The following PCSK2 variants were observed in gnomAD, a reference collection of about 807,000 sequenced individuals.
The protein encoded by PCSK2 is neuroendocrine convertase 2.
In PCSK2, 14 loss-of-function variants were observed where a neutral mutation model predicts 69.7. The observed-to-expected ratio is 0.20, with a 90% CI of 0.13 to 0.31. The LOEUF (loss-of-function observed/expected upper bound fraction) is 0.31, where lower values mean the gene tolerates loss of function less well. Among genes scored for constraint, PCSK2 ranks in the 10% least tolerant of loss-of-function variants. The probability of loss-of-function intolerance (pLI) is 1.00; values close to 1 mark genes in which losing one functional copy is unlikely to be tolerated. For synonymous variants in PCSK2, 307 were observed against 320.7 expected (o/e 0.96, Z 0.46); for missense variants, 544 against 842.5 (o/e 0.65, Z 4.39).
intron 5 of PCSK2, among the ~76,000 whole-genome samples, chr20:17,371,720 A>G (rs1371607001): frequency 1.3e-5 from 2 of 152,052 alleles, no homozygotes; most frequent in African/African-American, 4.8e-5. Context: ...TTGATGTGCC[A>G]TAAACATTTT....
chr20:17,344,842 A>T (rs538897870), intron 2 of PCSK2, among the ~76,000 whole-genome samples: 11 of 152,278 alleles, frequency 7.2e-5, no homozygotes, highest in African/African-American at 2.6e-4. Flanking sequence ...ATGGTGCCCA[A>T]CCTAAGCCCT....
At chr20:17,236,250 T>C (rs1986333876) in intron 1 of PCSK2, among the ~76,000 whole-genome samples, 1 of 152,120 alleles carries the variant, frequency 6.6e-6, no homozygotes, top group African/African-American at 2.4e-5. Flanking sequence ...AAGAAAACTA[T>C]GGAAATTGTT....
At chr20:17,304,504 G>A (rs1246107760) in intron 2 of PCSK2, among the ~76,000 whole-genome samples, 1 of 152,174 alleles carries the variant, frequency 6.6e-6, no homozygotes. Flanking sequence ...ACGGAGCACA[G>A]GAAGCTATTG....
rs201611343 is a variant in PCSK2, at chr20:17,303,820, A to AC, written c.282+43482dup. Among the ~76,000 whole-genome samples the AC allele has an allele frequency of 1.4e-3, 199 of 146,414 alleles. 5 individuals carry two copies. In the East Asian group the frequency reaches 0.036, roughly 26 times the overall value. On this transcript the variant is annotated intron_variant, in intron 2 of 11. Coordinates refer to ENST00000262545, the MANE Select transcript of PCSK2 (RefSeq NM_002594.5). ...TTGAACTCCTGACCTCAGGTGATCC[A>AC]CCCCCCACCCCGCCCTCCCAAAGTG...
intron 11 of PCSK2, among the ~76,000 whole-genome samples, chr20:17,481,356 C>T (rs11087210): frequency 0.29 from 40,343 of 137,510 alleles, 5,981 homozygotes; most frequent in Middle Eastern, 0.39. Context: ...CACTCCAGCC[C>T]GGGCAACAGA....
intron 1 of PCSK2, among the ~76,000 whole-genome samples, chr20:17,249,282 G>A (rs569542774): frequency 3.0e-4 from 45 of 152,130 alleles, no homozygotes; most frequent in Non-Finnish European, 5.4e-4. Flanking sequence ...TGAGGCGGGC[G>A]GATCATGAGG....
chr20:17,400,802 C>T (rs2031618820), intron 5 of PCSK2, among the ~76,000 whole-genome samples: 1 of 152,140 alleles, frequency 6.6e-6, no homozygotes, highest in Admixed American at 6.5e-5. Flanking sequence ...TTTTGCTTAA[C>T]AACATTTCTT....
intron 2 of PCSK2, among the ~76,000 whole-genome samples, chr20:17,313,640 G>GC (rs1989585800): frequency 6.6e-6 from 1 of 152,038 alleles, no homozygotes; most frequent in Non-Finnish European, 1.5e-5. Context: ...GGCCTCCAAA[G>GC]TTGCTTTAGA....
intron 10 of PCSK2, among the ~76,000 whole-genome samples, chr20:17,463,083 A>T (rs2033039506): frequency 6.6e-6 from 1 of 152,214 alleles, no homozygotes; most frequent in Non-Finnish European, 1.5e-5. Context: ...GCTGTGGTTT[A>T]TCTCAAAAGT....
intron 5 of PCSK2, among the ~76,000 whole-genome samples, chr20:17,369,799 G>T (rs879350714): frequency 1.3e-5 from 2 of 152,172 alleles, no homozygotes; most frequent in Non-Finnish European, 2.9e-5. Context: ...AGCCATTTGG[G>T]TTCTTGTTGG....
intron 2 of PCSK2, among the ~76,000 whole-genome samples, chr20:17,348,521 C>T (rs186291536): frequency 5.2e-4 from 79 of 152,332 alleles, no homozygotes; most frequent in Non-Finnish European, 9.4e-4. Flanking sequence ...CAGCACAGTA[C>T]GCTAGAGAAG....
intron 1 of PCSK2, among the ~76,000 whole-genome samples, chr20:17,241,635 A>G (rs760176257): frequency 3.9e-5 from 6 of 152,220 alleles, no homozygotes; most frequent in Admixed American, 6.5e-5. Flanking sequence ...GGATGATGGC[A>G]TCAGTGATAC....
intron 4 of PCSK2, among the ~76,000 whole-genome samples, chr20:17,363,819 A>G (rs1311658168): frequency 1.3e-5 from 2 of 152,246 alleles, no homozygotes; most frequent in Non-Finnish European, 2.9e-5. Flanking sequence ...TTTTGGAAAT[A>G]CAACCACAGT....
At chr20:17,461,438 C>T (rs566910444) in intron 10 of PCSK2, among the ~76,000 whole-genome samples, 4 of 152,172 alleles carry the variant, frequency 2.6e-5, no homozygotes, top group African/African-American at 7.2e-5. Flanking sequence ...ATGAAGAGAA[C>T]GAGACCCAGA....
At chr20:17,311,224 C>T (rs1369115641) in intron 2 of PCSK2, among the ~76,000 whole-genome samples, 1 of 152,014 alleles carries the variant, frequency 6.6e-6, no homozygotes, top group Non-Finnish European at 1.5e-5. Context: ...AGTTTCTATT[C>T]TGCATTGTAG....
intron 1 of PCSK2, among the ~76,000 whole-genome samples, chr20:17,243,792 T>C (rs1014620863): frequency 2.0e-4 from 30 of 152,122 alleles, no homozygotes; most frequent in African/African-American, 7.0e-4. Context: ...AGAAAGCAGA[T>C]GATCCCAATT....
chr20:17,380,114 A>G (rs2031048688), intron 5 of PCSK2, among the ~76,000 whole-genome samples: 1 of 152,200 alleles, frequency 6.6e-6, no homozygotes, highest in Admixed American at 6.5e-5. Context: ...CTTGAGCAAA[A>G]GCCCCAGTTA....
intron 5 of PCSK2, among the ~76,000 whole-genome samples, chr20:17,373,510 G>C (rs1462062614): frequency 2.0e-5 from 3 of 152,178 alleles, no homozygotes; most frequent in African/African-American, 7.2e-5. Flanking sequence ...GCTGAAGGGG[G>C]ATGTAGCAAC....
chr20:17,232,452 A>G (rs563008270), intron 1 of PCSK2, among the ~76,000 whole-genome samples: 1 of 152,326 alleles, frequency 6.6e-6, no homozygotes, highest in South Asian at 2.1e-4. Flanking sequence ...ACCTCTTCAT[A>G]TGCTTATTGA....
Sources: gnomAD v4.1 joint callset for allele counts (sites outside exome capture counted in the v4.1 genomes callset) on GRCh38, gnomAD v4.1.1 for gene constraint, MANE v1.5 for transcripts, NCBI Gene and HGNC (gene_info 2026-07-23, HGNC 2026-07-21) for gene names.